C4BPA: variants seen among roughly 807,000 people sequenced by gnomAD.
C4BPA encodes the protein C4b-binding protein alpha chain.
Under a neutral mutation model 63.7 loss-of-function variants are expected in C4BPA, and 31 were observed. That is an observed-to-expected ratio of 0.49 (90% CI 0.37 to 0.66). The LOEUF is 0.66. Ranked by LOEUF, C4BPA falls within the 30% of genes least tolerant of loss-of-function variation. The pLI is 0.00. For missense variants in C4BPA, 572 were observed against 723.3 expected (o/e 0.79, Z 2.40); for synonymous variants, 259 against 254.7 (o/e 1.02, Z -0.16).
intron 1 of C4BPA, among the ~76,000 whole-genome samples, chr1:207,105,450 G>C (rs1171814752): frequency 6.6e-6 from 1 of 151,754 alleles, no homozygotes; most frequent in African/African-American, 2.4e-5. Context: ...CCAGCTACTT[G>C]GGAGGCTGAG....
At chr1:207,136,937 C>T (rs903169617) in intron 9 of C4BPA, among the ~76,000 whole-genome samples, 1 of 152,196 alleles carries the variant, frequency 6.6e-6, no homozygotes, top group Non-Finnish European at 1.5e-5. Context: ...TTTTTATCTT[C>T]CACTAGTTTT....
intron 3 of C4BPA, 32 bp downstream of exon 3, chr1:207,114,317 T>A (rs1186555830): frequency 6.6e-7 from 1 of 1,521,864 alleles, no homozygotes; most frequent in Admixed American, 2.0e-5. Flanking sequence ...TTTCCTTTGC[T>A]TTTCCTATCT....
In C4BPA at chr1:207,120,526, A is replaced by C. The variant is rs980440428; in HGVS notation, c.429-3396A>C. Among the ~76,000 whole-genome samples the C allele has an allele frequency of 8.5e-5, 13 of 152,278 alleles. 1 individual carries two copies. The highest frequency in any genetic ancestry group is 2.9e-4 in the African/African-American group (12 of 41,570). ...ACGCCTGTAATTCCAACACTTTGAG[A>C]GGTTGAGGTGGGAAGATCACCTGAG... is the stretch of plus-strand genomic sequence containing the variant. On this transcript the variant is annotated intron_variant, in intron 4 of 11. Transcript: ENST00000367070.
At chr1:207,126,946 C>T (rs751596224) in intron 7 of C4BPA, 51 bp downstream of exon 7, 51 of 1,427,972 alleles carry the variant, frequency 3.6e-5, no homozygotes, top group Admixed American at 2.1e-4. Context: ...AAAGGTACCC[C>T]GTACTGTTAA....
Position 207,141,215 on chromosome 1 carries a change from C to G in C4BPA, c.1383C>G (p.Val461=). The G allele has an allele frequency of 1.2e-6, 2 of 1,613,650 alleles. No individual in the cohort carries two copies. Among genetic ancestry groups the G allele is most frequent in the Non-Finnish European group, 1.7e-6 (2 of 1,179,752 alleles). ...IYECDKGYIL[V]GQAKLSCSYS... ...AATGTGATAAAGGCTACATTCTGGT[C>G]GGACAGGCGAAACTCTCCTGCAGTT... The change falls in exon 10 of 12, where the codon GTC becomes GTG. Residue 461 remains valine (V), a synonymous_variant. Transcript: ENST00000367070.
chr1:207,115,000 T>C (rs1203645273), intron 3 of C4BPA, among the ~76,000 whole-genome samples: 2 of 152,342 alleles, frequency 1.3e-5, no homozygotes, highest in East Asian at 3.9e-4. Context: ...TCACTGTCAG[T>C]TGGGAATGCA....
intron 10 of C4BPA, among the ~76,000 whole-genome samples, chr1:207,143,615 C>G (rs1350842619): frequency 6.6e-6 from 1 of 152,122 alleles, no homozygotes; most frequent in Non-Finnish European, 1.5e-5. Context: ...TGCCAGGAGA[C>G]TTAAATGATA....
chr1:207,124,558 A>T (rs1572786297), intron 6 of C4BPA, among the ~76,000 whole-genome samples, 192 bp downstream of exon 6: 1 of 152,190 alleles, frequency 6.6e-6, no homozygotes, highest in Non-Finnish European at 1.5e-5. Flanking sequence ...TAAAAATGGG[A>T]GTGGTGAACT....
Position 207,131,567 on chromosome 1 carries a change from A to G in C4BPA, c.911A>G (p.Asp304Gly), listed in dbSNP as rs1298817411. ...CEPNSCINLP[D>G]IPHASWETYP... ...GTAGATAGTTGTATTAATTTACCAG[A>G]CATTCCACATGCTTCCTGGGAAACA... Residue 304 changes from aspartate (D) to glycine (G), a missense_variant, in exon 8 of 12, where the codon GAC (aspartate) becomes GGC (glycine). Around this residue, in one of 2 missense-constraint regions of C4BPA, gnomAD observed 465 missense variants for 629.4 expected, o/e 0.74. Transcript: ENST00000367070. The G allele has an allele frequency of 6.2e-7, 1 of 1,610,642 alleles. No individual in the cohort carries two copies. Among genetic ancestry groups the G allele is most frequent in the Non-Finnish European group, 8.5e-7 (1 of 1,177,502 alleles).
rs1247194318 is a variant in C4BPA, at chr1:207,141,289, T to G, written c.1444+13T>G. The G allele has an allele frequency of 6.2e-7, 1 of 1,607,802 alleles. No individual in the cohort carries two copies. Among genetic ancestry groups the G allele is most frequent in the East Asian group, 2.2e-5 (1 of 44,826 alleles). On this transcript the variant is annotated intron_variant, in intron 10 of 11. Transcript: ENST00000367070. ...CCTCAATGTAAAGGTAACTCCAGCTTCCTTTTCAGCTCAAGATTAAGTGGG... is the reference window on the plus strand; with the variant it reads ...CCTCAATGTAAAGGTAACTCCAGCTGCCTTTTCAGCTCAAGATTAAGTGGG...
chr1:207,140,545 G>A (rs76737880), intron 9 of C4BPA, among the ~76,000 whole-genome samples: 1 of 150,700 alleles, frequency 6.6e-6, no homozygotes, highest in Non-Finnish European at 1.5e-5. Flanking sequence ...TTGTGGACCT[G>A]ATAGTGTTCC....
At chr1:207,121,252 T>G (rs933458911) in intron 4 of C4BPA, among the ~76,000 whole-genome samples, 3 of 152,148 alleles carry the variant, frequency 2.0e-5, no homozygotes, top group African/African-American at 7.2e-5. Flanking sequence ...AATTAGCATA[T>G]TTTGATTATT....
At chr1:207,144,025 T>C (rs368722780) in intron 11 of C4BPA, 32 bp downstream of exon 11, 86 of 1,507,144 alleles carry the variant, frequency 5.7e-5, no homozygotes, top group Non-Finnish European at 7.4e-5. Context: ...AGTTCTGTGC[T>C]GTCGACCCCT....
At chr1:207,112,833 C>T in intron 1 of C4BPA, 168 bp from the exon 2 acceptor site, 1 of 575,122 alleles carries the variant, frequency 1.7e-6, no homozygotes, top group South Asian at 2.7e-5. Flanking sequence ...CTGCAGAGGC[C>T]AATCCTTACT....
intron 10 of C4BPA, among the ~76,000 whole-genome samples, chr1:207,141,531 T>G: frequency 6.6e-6 from 1 of 152,358 alleles, no homozygotes; most frequent in Middle Eastern, 3.4e-3. Context: ...TTCTTGTATA[T>G]TTCCAGAAAT....
intron 4 of C4BPA, among the ~76,000 whole-genome samples, chr1:207,119,571 A>G (rs1183874397): frequency 1.1e-5 from 1 of 92,912 alleles, no homozygotes; most frequent in Non-Finnish European, 2.7e-5. Flanking sequence ...ACATAATGCA[A>G]CTATCCCTCA....
At chr1:207,125,420 T>C (rs570382053) in intron 6 of C4BPA, among the ~76,000 whole-genome samples, 12 of 152,286 alleles carry the variant, frequency 7.9e-5, no homozygotes, top group Non-Finnish European at 1.3e-4. Flanking sequence ...CTGCTATGGC[T>C]TGAATGTGCA....
chr1:207,120,649 C>G (rs1337861897), intron 4 of C4BPA, among the ~76,000 whole-genome samples: 2 of 152,202 alleles, frequency 1.3e-5, no homozygotes, highest in East Asian at 3.9e-4. Context: ...AAAAAGACTT[C>G]TAGATTAACC....
chr1:207,115,948 GT>G (rs1684777293), intron 4 of C4BPA, among the ~76,000 whole-genome samples: 1 of 152,192 alleles, frequency 6.6e-6, no homozygotes, highest in South Asian at 2.1e-4. Context: ...ATCCATGGAT[GT>G]TTCTAATCTT....
Sources: allele counts gnomAD v4.1 joint callset (sites outside exome capture counted in the v4.1 genomes callset), GRCh38; gene constraint gnomAD v4.1.1; regional missense constraint gnomAD v4.1.1; transcripts MANE v1.5; gene names NCBI Gene and HGNC (gene_info 2026-07-23, HGNC 2026-07-21).